The following SLC9A1 variants were observed in gnomAD, a reference collection of about 807,000 sequenced individuals.
SLC9A1 encodes the protein solute carrier family 9 member A1.
In SLC9A1, 22 loss-of-function variants were observed where a neutral mutation model predicts 67.9. The observed-to-expected ratio is 0.32, with a 90% CI of 0.23 to 0.46. The LOEUF (loss-of-function observed/expected upper bound fraction) is 0.46, where lower values mean the gene tolerates loss of function less well. Among genes scored for constraint, SLC9A1 ranks in the 20% least tolerant of loss-of-function variants. SLC9A1 has a pLI of 1.00. For missense variants in SLC9A1, 686 were observed against 1,094.8 expected (o/e 0.63, Z 5.27); for synonymous variants, 421 against 471.8 (o/e 0.89, Z 1.40).
At chr1:27,107,212 AG>A (rs2083192873) in intron 4 of SLC9A1, among the ~76,000 whole-genome samples, 1 of 119,334 alleles carries the variant, frequency 8.4e-6, no homozygotes. Context: ...ACACACACCC[AG>A]CCCCTCTACA....
chr1:27,111,988 C>T (rs563188997), intron 2 of SLC9A1, among the ~76,000 whole-genome samples: 7 of 152,332 alleles, frequency 4.6e-5, no homozygotes, highest in African/African-American at 1.7e-4. Flanking sequence ...CAGTGCTCAC[C>T]TGAACCCCAA....
chr1:27,110,034 C>T (rs1262295473), intron 2 of SLC9A1, among the ~76,000 whole-genome samples: 1 of 152,230 alleles, frequency 6.6e-6, no homozygotes, highest in African/African-American at 2.4e-5. Flanking sequence ...TGAAGCCAAA[C>T]TGCCTGGACT....
At chr1:27,125,482 G>A (rs1410509991) in intron 1 of SLC9A1, among the ~76,000 whole-genome samples, 1 of 152,062 alleles carries the variant, frequency 6.6e-6, no homozygotes, top group African/African-American at 2.4e-5. Flanking sequence ...CTGGCCTCAA[G>A]TGATCTGCCC....
At chr1:27,152,255 C>A (rs891641732) in intron 1 of SLC9A1, among the ~76,000 whole-genome samples, 1 of 152,186 alleles carries the variant, frequency 6.6e-6, no homozygotes, top group African/African-American at 2.4e-5. Context: ...TTCTGACTGC[C>A]TAGAGTGGGG....
chr1:27,123,509 C>CTT, intron 1 of SLC9A1, among the ~76,000 whole-genome samples: 1 of 143,496 alleles, frequency 7.0e-6, no homozygotes, highest in Non-Finnish European at 1.5e-5. Flanking sequence ...TTTTATTGGG[C>CTT]TTTTTTTTTT....
At chr1:27,152,687 A>C (rs1272611986) in intron 1 of SLC9A1, among the ~76,000 whole-genome samples, 2 of 152,124 alleles carry the variant, frequency 1.3e-5, no homozygotes, top group Non-Finnish European at 2.9e-5. Flanking sequence ...GTTCCATGTA[A>C]GGCTCTGCTA....
At chr1:27,138,147 C>T (rs747822969) in intron 1 of SLC9A1, among the ~76,000 whole-genome samples, 104 of 152,330 alleles carry the variant, frequency 6.8e-4, no homozygotes, top group Admixed American at 1.9e-3. Context: ...CACCATGAAT[C>T]CTAGCCCCAG....
In SLC9A1 at chr1:27,142,747, G is replaced by A. The variant is rs116520255; in HGVS notation, c.352+11236C>T. 7.1e-3 allele frequency among the ~76,000 whole-genome samples: 1,085 copies of A among 152,294 alleles called. 15 individuals carry two copies. The highest frequency in any genetic ancestry group is 0.024 in the African/African-American group (1,014 of 41,538). On this transcript the variant is annotated intron_variant, in intron 1 of 11. Coordinates refer to ENST00000263980, the MANE Select transcript of SLC9A1 (RefSeq NM_003047.5). ...CCTTCCCTGCTGCACAGTGTAGGCG[G>A]AGCATGTTGCATCTGCTTTGATTTC...
At chr1:27,110,975 G>A (rs1236711391) in intron 2 of SLC9A1, among the ~76,000 whole-genome samples, 1 of 152,224 alleles carries the variant, frequency 6.6e-6, no homozygotes, top group African/African-American at 2.4e-5. Flanking sequence ...CCTGTCTAGG[G>A]CACAGACCTG....
At chr1:27,107,512 AC>A in intron 4 of SLC9A1, 135 bp downstream of exon 4, 1 of 682,156 alleles carries the variant, frequency 1.5e-6, no homozygotes, top group Non-Finnish European at 2.6e-6. Context: ...TATACACTGC[AC>A]CACATGCACA....
intron 1 of SLC9A1, among the ~76,000 whole-genome samples, chr1:27,147,024 G>C (rs989861919): frequency 6.6e-6 from 1 of 151,152 alleles, no homozygotes; most frequent in Admixed American, 6.6e-5. Flanking sequence ...GTAATATCAG[G>C]ACTTTGGGAG....
intron 3 of SLC9A1, 26 bp from the exon 4 acceptor site, chr1:27,107,891 G>A: frequency 6.5e-7 from 1 of 1,538,142 alleles, no homozygotes; most frequent in Non-Finnish European, 8.9e-7. Context: ...GCGGGGTCAG[G>A]GCTCCGTGTC....
At chr1:27,131,439 C>CA (rs35954506) in intron 1 of SLC9A1, among the ~76,000 whole-genome samples, 9,305 of 27,528 alleles carry the variant, frequency 0.34, 1,203 homozygotes, top group Middle Eastern at 0.42. Context: ...ACTAAAAATA[C>CA]AAAAAAAAAA....
intron 1 of SLC9A1, among the ~76,000 whole-genome samples, chr1:27,131,947 A>AAAAAAAAAAAAAAATATATATATAT: frequency 1.9e-5 from 1 of 52,122 alleles, no homozygotes; most frequent in African/African-American, 6.4e-5. Flanking sequence ...AGAAAAAAAA[A>AAAAAAAAAAAAAAATATATATATAT]ATATATATAT....
chr1:27,103,083 C>A lies in SLC9A1; in HGVS notation c.1575+140G>T, dbSNP rs565332137. On this transcript the variant is annotated intron_variant, in intron 6 of 11. Transcript: ENST00000263980. Reference sequence around the variant, plus strand: ...ACACCTTCCTATGGCTAGACCCTGGCGGCCTCCTGGGGCAGAGGGAGCCCC... The same window carrying A: ...ACACCTTCCTATGGCTAGACCCTGGAGGCCTCCTGGGGCAGAGGGAGCCCC... 53 of 698,010 alleles carry A rather than the reference C, an allele frequency of 7.6e-5. No individual in the cohort carries two copies. The East Asian group carries it at 1.4e-3, about 18-fold the overall frequency. The allele number at this position is 698,010 out of a possible 1,614,324, so 43.2% of individuals were successfully genotyped here.
At position 27,109,921 on chromosome 1, in the gene SLC9A1, A is replaced by C; in HGVS notation, c.814-144T>G. 1.0e-6 allele frequency: 1 copy of C among 961,796 alleles called. No individual in the cohort carries two copies. Among genetic ancestry groups the C allele is most frequent in the Admixed American group, 2.5e-5 (1 of 39,526 alleles). 59.6% of individuals were successfully genotyped at this position (961,796 alleles called of 1,614,324 possible). On this transcript the variant is annotated intron_variant, in intron 2 of 11. Coordinates refer to ENST00000263980, the MANE Select transcript of SLC9A1 (RefSeq NM_003047.5). The surrounding 1 kb of genome is among the most constrained non-coding windows in gnomAD (Gnocchi z 5.5). ...ACGGTAGCAGAGAAACCCTAGTGCC[A>C]AGCAGGTGCTCAAAACCTCAGCCTG...
chr1:27,102,621 C>T (rs2083155510), intron 7 of SLC9A1, 52 bp downstream of exon 7: 2 of 1,611,552 alleles, frequency 1.2e-6, no homozygotes, highest in Admixed American at 1.7e-5. Flanking sequence ...TGCCCAGGCC[C>T]AGGAGACCCT....
At position 27,106,127 on chromosome 1, in the gene SLC9A1, C is replaced by T. The variant is rs1269527399; in HGVS notation, c.1283-40G>A. On this transcript the variant is annotated intron_variant, in intron 4 of 11. Coordinates refer to ENST00000263980, the MANE Select transcript of SLC9A1 (RefSeq NM_003047.5). The surrounding 1 kb of genome is among the most constrained non-coding windows in gnomAD (Gnocchi z 4.3). ...AGGGGGTGATGAGGGTCAGGTCGGGCTGTCCCCAGTCCCTCCTGGATTCTG... is the reference window on the plus strand; with the variant it reads ...AGGGGGTGATGAGGGTCAGGTCGGGTTGTCCCCAGTCCCTCCTGGATTCTG... 1.3e-5 allele frequency: 18 copies of T among 1,371,560 alleles called. No individual in the cohort carries two copies. Among genetic ancestry groups the T allele is most frequent in the Non-Finnish European group, 1.7e-5 (16 of 968,524 alleles). 85.0% of individuals were successfully genotyped at this position (1,371,560 alleles called of 1,614,324 possible).
rs1033634685 is a variant in SLC9A1 at position 27,114,832 on chromosome 1, A to T, written c.353-546T>A. Among the ~76,000 whole-genome samples, 30 of 152,188 alleles carry T rather than the reference A, an allele frequency of 2.0e-4. No homozygotes were observed. The highest frequency in any genetic ancestry group is 7.0e-4 in the African/African-American group (29 of 41,448). On this transcript the variant is annotated intron_variant, in intron 1 of 11. Transcript: ENST00000263980. This position sits in a 1 kb window ranked among gnomAD's most constrained non-coding sequence, Gnocchi z 5.4. ...GGGAGTGGCATAGGAGACAGAAGAA[A>T]GCACAGAAGAATCTAAGAATACCAG...
Sources: allele counts gnomAD v4.1 joint callset (sites outside exome capture counted in the v4.1 genomes callset), GRCh38; gene constraint gnomAD v4.1.1; non-coding constraint Gnocchi (gnomAD v3.1); transcripts MANE v1.5; gene names NCBI Gene and HGNC (gene_info 2026-07-23, HGNC 2026-07-21).